The following GALNT9 variants were observed in gnomAD, a reference collection of about 807,000 sequenced individuals.
The protein encoded by GALNT9 is GalNAc transferase 9.
Under a neutral mutation model 63.1 loss-of-function variants are expected in GALNT9, and 47 were observed. That is an observed-to-expected ratio of 0.75 (90% CI 0.59 to 0.95). The LOEUF is 0.95. GALNT9 is among the 40% of genes least tolerant of loss of function. The pLI is 0.00. For synonymous variants in GALNT9, 396 were observed against 365.7 expected (o/e 1.08, Z -0.94); for missense variants, 829 against 874.8 (o/e 0.95, Z 0.66).
chr12:132,247,810 C>T (rs28698057), intron 6 of GALNT9, 100 bp downstream of exon 6: 130 of 1,503,922 alleles, frequency 8.6e-5, no homozygotes, highest in Middle Eastern at 3.4e-4. Flanking sequence ...GCCCTCACCC[C>T]GTCCCCGGAC....
At chr12:132,303,422 GCCTCGCCCGGGCACAC>G (rs1483851761) in intron 1 of GALNT9, among the ~76,000 whole-genome samples, 49 of 87,086 alleles carry the variant, frequency 5.6e-4, no homozygotes, top group African/African-American at 1.2e-3. Context: ...CCCGGGCACA[GCCTCGCCCGGGCACAC>G]CCTCGCCCGG....
chr12:132,257,751 C>G lies in GALNT9; in HGVS notation c.897G>C (p.Trp299Cys). Residue 299 changes from tryptophan to cysteine, a missense_variant, in exon 5 of 11, where the codon TGG becomes TGC. Coordinates refer to ENST00000328957, the MANE Select transcript of GALNT9 (RefSeq NM_001122636.2). ...NAAHGYNWGL[W>C]CMYIIPPQDW... ...CCTGCGGGGGGATGATGTACATGCA[C>G]CAGAGGCCCCAGTTGTAGCCATGGG... 8.4e-6 allele frequency: 13 copies of G among 1,550,534 alleles called. No homozygotes were observed. Among genetic ancestry groups the G allele is most frequent in the Non-Finnish European group, 6.1e-6 (7 of 1,146,840 alleles).
intron 6 of GALNT9, among the ~76,000 whole-genome samples, chr12:132,239,286 A>G (rs1555236619): frequency 6.8e-6 from 1 of 148,080 alleles, no homozygotes; most frequent in Non-Finnish European, 1.5e-5. Flanking sequence ...AGACAGAGAC[A>G]CAGAGAGACA....
intron 1 of GALNT9, among the ~76,000 whole-genome samples, chr12:132,290,634 G>A (rs112183390): frequency 5.4e-5 from 6 of 111,830 alleles, no homozygotes; most frequent in East Asian, 2.7e-4. Flanking sequence ...CAGTGCCCAC[G>A]TCCACACCAC....
chr12:132,308,605 C>T (rs1364878981), intron 1 of GALNT9, among the ~76,000 whole-genome samples: 1 of 152,146 alleles, frequency 6.6e-6, no homozygotes, highest in East Asian at 1.9e-4. Context: ...GAGGGACCCT[C>T]GACCGCCAGG....
intron 1 of GALNT9, among the ~76,000 whole-genome samples, chr12:132,301,685 C>T (rs117700565): frequency 0.021 from 3,255 of 152,360 alleles, 40 homozygotes; most frequent in Middle Eastern, 0.088. Flanking sequence ...GGGCCCCACT[C>T]GCTGGCCAGA....
At chr12:132,259,904 G>C (rs553345632) in intron 4 of GALNT9, among the ~76,000 whole-genome samples, 1 of 152,066 alleles carries the variant, frequency 6.6e-6, no homozygotes, top group African/African-American at 2.4e-5. Flanking sequence ...ATGTCCTCCC[G>C]GGTCTTCCTT....
chr12:132,226,261 C>T (rs929626721), intron 6 of GALNT9, among the ~76,000 whole-genome samples: 12 of 150,474 alleles, frequency 8.0e-5, no homozygotes, highest in South Asian at 2.1e-4. Context: ...ACCCCACACA[C>T]GGTACATACA....
chr12:132,255,431 A>T (rs1879071648), intron 5 of GALNT9, among the ~76,000 whole-genome samples: 1 of 152,206 alleles, frequency 6.6e-6, no homozygotes, highest in African/African-American at 2.4e-5. Context: ...TCTGATCCAG[A>T]CAAGATTAAC....
intron 2 of GALNT9, among the ~76,000 whole-genome samples, chr12:132,272,373 T>C (rs1222444809): frequency 2.0e-5 from 3 of 152,228 alleles, no homozygotes; most frequent in African/African-American, 7.2e-5. Flanking sequence ...GCAGCAAACT[T>C]GTGCAGAAGA....
rs559364245 is a variant in GALNT9, at chr12:132,289,433, T to C, written c.239-3003A>G. 2.1e-3 allele frequency among the ~76,000 whole-genome samples: 316 copies of C among 152,336 alleles called. 2 individuals are homozygous for C. The highest frequency in any genetic ancestry group is 3.5e-3 in the Admixed American group (53 of 15,304). ...CATGAATGGCAAACTGGTTTTACTTTATGTGGTTGGCAGTAGCCCCAAAGC... is the reference window on the plus strand; with the variant it reads ...CATGAATGGCAAACTGGTTTTACTTCATGTGGTTGGCAGTAGCCCCAAAGC... On this transcript the variant is annotated intron_variant, in intron 1 of 10. Transcript: ENST00000328957.
intron 6 of GALNT9, among the ~76,000 whole-genome samples, chr12:132,208,064 C>G (rs980715585): frequency 6.6e-6 from 1 of 152,206 alleles, no homozygotes; most frequent in Non-Finnish European, 1.5e-5. Context: ...GTGCCGCGCT[C>G]CCCGGGAGAT....
chr12:132,268,492 G>T (rs1375208265), intron 2 of GALNT9, among the ~76,000 whole-genome samples: 1 of 152,184 alleles, frequency 6.6e-6, no homozygotes, highest in Non-Finnish European at 1.5e-5. Flanking sequence ...CTTAAGCAAA[G>T]ATTTCTTCAC....
At chr12:132,203,738 G>A (rs1210408591) in intron 6 of GALNT9, 48 bp from the exon 7 acceptor site, 3 of 1,585,330 alleles carry the variant, frequency 1.9e-6, no homozygotes, top group Admixed American at 1.7e-5. Flanking sequence ...AACGGAAGCG[G>A]GCAGCCCGGC....
intron 2 of GALNT9, among the ~76,000 whole-genome samples, chr12:132,281,095 G>A (rs1205407221): frequency 6.6e-6 from 1 of 152,202 alleles, no homozygotes; most frequent in Non-Finnish European, 1.5e-5. Flanking sequence ...AGGCACTGTG[G>A]AGACGCTTCC....
intron 2 of GALNT9, chr12:132,280,409 C>T (rs1555241577): frequency 6.6e-6 from 1 of 152,294 alleles, no homozygotes; most frequent in Non-Finnish European, 1.5e-5. Context: ...TCCTGAGGAC[C>T]TGTGGCCTGG....
chr12:132,201,380 A>C (rs77838420), intron 7 of GALNT9, 119 bp from the exon 8 acceptor site: 2 of 647,242 alleles, frequency 3.1e-6, no homozygotes, highest in Non-Finnish European at 5.4e-6. Context: ...CCTCCCCCCC[A>C]GTATTCAGAT....
chr12:132,318,908 C>T (rs1352183325), intron 1 of GALNT9, among the ~76,000 whole-genome samples: 3 of 152,256 alleles, frequency 2.0e-5, no homozygotes, highest in African/African-American at 4.8e-5. Context: ...ACAGTCCTAA[C>T]GGAGAGGCAG....
At chr12:132,237,223 C>A (rs1056553451) in intron 6 of GALNT9, among the ~76,000 whole-genome samples, 3 of 152,120 alleles carry the variant, frequency 2.0e-5, no homozygotes, top group African/African-American at 7.2e-5. Context: ...CTGCCGTGTA[C>A]CCTCAGCTGC....
Sources: gnomAD v4.1 joint callset for allele counts (sites outside exome capture counted in the v4.1 genomes callset) on GRCh38, gnomAD v4.1.1 for gene constraint, MANE v1.5 for transcripts, NCBI Gene and HGNC (gene_info 2026-07-23, HGNC 2026-07-21) for gene names.